Variants in PHLDA1 observed in about 807,000 individuals in gnomAD.
PHLDA1 encodes the protein pleckstrin homology like domain family A member 1.
A neutral mutation model predicts 33.8 loss-of-function variants in PHLDA1; 28 were observed. The ratio of observed to expected loss-of-function variants is 0.83; its 90% CI spans 0.61 to 1.14. PHLDA1 has a LOEUF of 1.14. Ranked by LOEUF, PHLDA1 falls within the 50% of genes most tolerant of loss-of-function variation. PHLDA1 has a pLI of 0.00. For missense variants in PHLDA1, 595 were observed against 548.6 expected, an observed-to-expected ratio of 1.08 and a Z score of -0.84; for synonymous variants, 271 against 243.6, an observed-to-expected ratio of 1.11 and a Z score of -1.05.
At chr12:76,030,879 G>A in exon 1 of PHLDA1, 2 of 1,611,770 alleles carry the variant, frequency 1.2e-6, no homozygotes, top group Non-Finnish European at 1.7e-6. Context: ...CGCCAGGATG[G>A]CCTGACGATT....
chr12:76,025,674 G>T (rs144470255), exon 2 of PHLDA1: 8 of 152,206 alleles, frequency 5.3e-5, no homozygotes, highest in African/African-American at 1.9e-4. Flanking sequence ...GGCTGACCTC[G>T]GAATGTAACA....
chr12:76,030,628 G>C lies in PHLDA1; in HGVS notation c.1114C>G (p.Pro372Ala), dbSNP rs754317123. ...GGGTGCGGTATTTGGTGCGGATGCG[G>C]GTGCGGGTGAGGGTGTGGGTGCGAG... The change falls in exon 1 of 2, where the codon CCG becomes GCG. Residue 372 changes from proline (P) to alanine (A), a missense_variant. Transcript: ENST00000266671. The C allele has an allele frequency of 7.2e-6, 11 of 1,537,416 alleles. 1 individual carries two copies. The South Asian group carries it at 1.2e-4, about 17-fold the overall frequency.
chr12:76,026,528 T>C (rs1870777523), exon 2 of PHLDA1: 2 of 152,150 alleles, frequency 1.3e-5, no homozygotes, highest in South Asian at 4.1e-4. Flanking sequence ...AACAGGACTT[T>C]CAACTTAATC....
chr12:76,025,583 A>G (rs916104185), exon 2 of PHLDA1: 3 of 152,352 alleles, frequency 2.0e-5, no homozygotes, highest in African/African-American at 7.2e-5. Context: ...CATGAATGTG[A>G]TGGTGTATAA....
chr12:76,031,105 A>C lies in PHLDA1; in HGVS notation c.637T>G (p.Ser213Ala). 4 of 1,609,354 alleles carry C rather than the reference A, an allele frequency of 2.5e-6. No individual in the cohort carries two copies. The highest frequency in any genetic ancestry group is 3.4e-6 in the Non-Finnish European group (4 of 1,179,832). ...GCGACAGCGGGGCCACTGGGTTGGG[A>C]CGGCTCGGCCGGCCCCTGCCCGGGC... is the stretch of plus-strand genomic sequence containing the variant. Residue 213 changes from serine (S) to alanine (A), a missense_variant, in exon 1 of 2, where the codon TCC becomes GCC. Around this residue, in one of 3 missense-constraint regions of PHLDA1, gnomAD observed 328 missense variants for 295.7 expected, o/e 1.11. Coordinates refer to ENST00000266671, the Ensembl canonical transcript of PHLDA1. This position sits in a 1 kb window ranked among gnomAD's most constrained non-coding sequence, Gnocchi z 5.4.
exon 2 of PHLDA1, chr12:76,028,769 G>A (rs1023140617): frequency 3.3e-5 from 5 of 152,586 alleles, no homozygotes; most frequent in Non-Finnish European, 2.9e-5. Context: ...ACATCCTTTT[G>A]ATTTAACACA....
At position 76,031,031 on chromosome 12, in the gene PHLDA1, C is replaced by T. The variant is rs182331809; in HGVS notation, c.711G>A (p.Met237Ile). The T allele has an allele frequency of 2.5e-6, 4 of 1,612,480 alleles. No homozygotes were observed. Among genetic ancestry groups the T allele is most frequent in the Non-Finnish European group, 3.4e-6 (4 of 1,179,990 alleles). The change falls in exon 1 of 2, where the codon ATG becomes ATA. Residue 237 changes from methionine (M) to isoleucine (I), a missense_variant. By Grantham distance (10) the Met-to-Ile change is conservative. This residue lies in a region of PHLDA1 where 328 missense variants were observed against 295.7 expected (regional missense o/e 1.11). Coordinates refer to ENST00000266671, the Ensembl canonical transcript of PHLDA1. The surrounding 1 kb of genome is among the most constrained non-coding windows in gnomAD (Gnocchi z 5.4). ...TGCGCTCCACACAGTCCACGGTCTT[C>T]ATGTTGGAGAAGTGCAGTTCCTTGA...
exon 1 of PHLDA1, chr12:76,030,579 G>T: frequency 6.2e-7 from 1 of 1,613,874 alleles, no homozygotes; most frequent in South Asian, 1.1e-5. Context: ...GTGCCCGTGC[G>T]GCTGCGAGTG....
At chr12:76,027,147 T>C (rs770934560) in exon 2 of PHLDA1, 1 of 152,186 alleles carries the variant, frequency 6.6e-6, no homozygotes, top group Non-Finnish European at 1.5e-5. Flanking sequence ...TTTACCTTTT[T>C]CCATGAAGCT....
exon 2 of PHLDA1, chr12:76,026,699 A>C (rs1870781311): frequency 6.6e-6 from 1 of 152,190 alleles, no homozygotes; most frequent in African/African-American, 2.4e-5. Context: ...CAGCTTGCTC[A>C]ATGAGGAAAA....
At position 76,031,522 on chromosome 12, in the gene PHLDA1, T is replaced by G; in HGVS notation, c.220A>C (p.Arg74=). 1 of 1,525,932 alleles carries G rather than the reference T, an allele frequency of 6.6e-7. No homozygotes were observed. Among genetic ancestry groups the G allele is most frequent in the South Asian group, 1.3e-5 (1 of 79,966 alleles). 94.5% of individuals were successfully genotyped at this position (1,525,932 alleles called of 1,614,324 possible). The change falls in exon 1 of 2, where the codon AGG becomes CGG. Residue 74 remains arginine, a synonymous_variant. Coordinates refer to ENST00000266671, the Ensembl canonical transcript of PHLDA1. This position sits in a 1 kb window ranked among gnomAD's most constrained non-coding sequence, Gnocchi z 5.4. ...TCCCGGCAGAGGGACAGCCGCGTCC[T>G]GATGCGCCACAAGGTCCCGGAGCTC...
Position 76,031,017 on chromosome 12 carries a change from C to T in PHLDA1, c.725G>A (p.Cys242Tyr), listed in dbSNP as rs1034867249. 1.9e-5 allele frequency: 30 copies of T among 1,613,100 alleles called. No individual in the cohort carries two copies. The Admixed American group carries it at 4.7e-4, about 25-fold the overall frequency. ...CATGTACTTGCCCTTGCGCTCCACA[C>T]AGTCCACGGTCTTCATGTTGGAGAA... The change falls in exon 1 of 2, where the codon TGT (cysteine) becomes TAT (tyrosine). Residue 242 changes from cysteine (C) to tyrosine (Y), a missense_variant. Physicochemically the swap from Cys to Tyr is radical, Grantham distance 194. Coordinates refer to ENST00000266671, the Ensembl canonical transcript of PHLDA1. The surrounding 1 kb of genome is among the most constrained non-coding windows in gnomAD (Gnocchi z 5.4).
exon 2 of PHLDA1, chr12:76,029,636 G>A (rs139057097): frequency 1.2e-4 from 19 of 152,646 alleles, no homozygotes; most frequent in African/African-American, 3.4e-4. Flanking sequence ...GAAAGTACTC[G>A]AGAAATAATG....
Position 76,031,695 on chromosome 12 carries a change from G to T in PHLDA1, c.47C>A (p.Pro16His). The change falls in exon 1 of 2, where the codon CCC (proline) becomes CAC (histidine). Residue 16 changes from proline (P) to histidine (H), a missense_variant. Physicochemically the swap from Pro to His is moderately conservative, Grantham distance 77. Around this residue, in one of 3 missense-constraint regions of PHLDA1, gnomAD observed 263 missense variants for 232.3 expected, o/e 1.13. Coordinates refer to ENST00000266671, the Ensembl canonical transcript of PHLDA1. This position sits in a 1 kb window ranked among gnomAD's most constrained non-coding sequence, Gnocchi z 5.4. Reference sequence around the variant, plus strand: ...CGGCTCCTGGCGCCCGCACCGCGGGGGAAAGCCCAGCTCCAAGAGGCGCTC... The same window carrying T: ...CGGCTCCTGGCGCCCGCACCGCGGGTGAAAGCCCAGCTCCAAGAGGCGCTC... The T allele has an allele frequency of 1.4e-6, 2 of 1,449,560 alleles. No individual in the cohort carries two copies. The highest frequency in any genetic ancestry group is 1.8e-6 in the Non-Finnish European group (2 of 1,099,234). 89.8% of individuals were successfully genotyped at this position (1,449,560 alleles called of 1,614,324 possible).
Position 76,031,732 on chromosome 12 carries a change from C to A in PHLDA1, c.10G>T (p.Ala4Ser). The change falls in exon 1 of 2, where the codon GCG becomes TCG. Residue 4 changes from alanine to serine, a missense_variant. This residue lies in a region of PHLDA1 where 263 missense variants were observed against 232.3 expected (regional missense o/e 1.13). Transcript: ENST00000266671. This position sits in a 1 kb window ranked among gnomAD's most constrained non-coding sequence, Gnocchi z 5.4. ...TCCAAGAGGCGCTCGGCAGCCGGCG[C>A]ACGCCTCATTAACTTGGGGCCTTTC... is the stretch of plus-strand genomic sequence containing the variant. 7.2e-6 allele frequency: 10 copies of A among 1,386,648 alleles called. No homozygotes were observed. Among genetic ancestry groups the A allele is most frequent in the Non-Finnish European group, 9.4e-6 (10 of 1,066,826 alleles). 85.9% of individuals were successfully genotyped at this position (1,386,648 alleles called of 1,614,324 possible). A position where few individuals can be genotyped will look rare whatever the true frequency, so the allele number is the denominator to read the frequency against.
At chr12:76,030,894 T>C (rs763473008) in exon 1 of PHLDA1, 2 of 1,613,534 alleles carry the variant, frequency 1.2e-6, no homozygotes, top group Admixed American at 1.7e-5. Flanking sequence ...ACGATTCTTG[T>C]ACTGCACCAT....
At chr12:76,030,644 T>C (rs780249844) in exon 1 of PHLDA1, 1 of 1,405,536 alleles carries the variant, frequency 7.1e-7, no homozygotes, top group African/African-American at 1.4e-5. Context: ...GGTGAGGGTG[T>C]GGGTGCGAGT....
exon 2 of PHLDA1, chr12:76,026,644 G>T (rs987240258): frequency 6.6e-5 from 10 of 152,046 alleles, no homozygotes; most frequent in Non-Finnish European, 1.2e-4. Context: ...ATAAACATCT[G>T]AAGTGAAATT....
chr12:76,030,476 C>A, intron 1 of PHLDA1, 34 bp downstream of exon 1: 1 of 1,555,644 alleles, frequency 6.4e-7, no homozygotes, highest in Non-Finnish European at 8.8e-7. Context: ...CCCCCGAGAC[C>A]CACTCCTCGG....
Sources: gnomAD v4.1 joint callset for allele counts on GRCh38, gnomAD v4.1.1 for gene constraint, gnomAD v4.1.1 regional missense constraint, Gnocchi (gnomAD v3.1) non-coding constraint, MANE v1.5 for transcripts, NCBI Gene and HGNC (gene_info 2026-07-23, HGNC 2026-07-21) for gene names.